The following LMCD1 variants were observed in gnomAD, a reference collection of about 807,000 sequenced individuals.
LMCD1 encodes the protein LIM and cysteine-rich domains protein 1.
LMCD1 carries 32 observed loss-of-function variants against 42.7 expected under a neutral mutation model. The ratio of observed to expected loss-of-function variants is 0.75; its 90% confidence interval spans 0.57 to 1.01. The LOEUF (loss-of-function observed/expected upper bound fraction) is 1.01, where lower values mean the gene tolerates loss of function less well. LMCD1 is among the 50% of genes least tolerant of loss of function. The pLI, the probability that LMCD1 is intolerant of heterozygous loss-of-function variation, is 0.00. For synonymous variants in LMCD1, 178 were observed against 184.9 expected (o/e 0.96, Z 0.30); for missense variants, 458 against 483.1 (o/e 0.95, Z 0.49).
chr3:8,514,679 A>G (rs1007260135), intron 1 of LMCD1, among the ~76,000 whole-genome samples: 5 of 152,176 alleles, frequency 3.3e-5, no homozygotes, highest in African/African-American at 1.2e-4. Flanking sequence ...ATTACTTAGT[A>G]ACAAAAAATC....
chr3:8,523,413 G>A (rs1694240367), intron 1 of LMCD1, among the ~76,000 whole-genome samples: 1 of 152,208 alleles, frequency 6.6e-6, no homozygotes, highest in African/African-American at 2.4e-5. Flanking sequence ...TCTGTCATAT[G>A]ACCCCAATGT....
chr3:8,508,218 G>A (rs1295265357), intron 1 of LMCD1, among the ~76,000 whole-genome samples: 3 of 152,262 alleles, frequency 2.0e-5, no homozygotes, highest in Admixed American at 2.0e-4. Flanking sequence ...AGGAAACTCT[G>A]CCCTGGGGAT....
At chr3:8,567,278 C>A (rs1216729405) in intron 5 of LMCD1, among the ~76,000 whole-genome samples, 162 bp from the exon 6 acceptor site, 2 of 152,074 alleles carry the variant, frequency 1.3e-5, no homozygotes, top group Non-Finnish European at 2.9e-5. Context: ...CAAATATTAT[C>A]CTTACTGCCT....
chr3:8,504,770 G>A (rs907861557), intron 1 of LMCD1, among the ~76,000 whole-genome samples: 13 of 152,190 alleles, frequency 8.5e-5, no homozygotes, highest in African/African-American at 3.1e-4. Flanking sequence ...AGTTCCCTGA[G>A]AATGGTGAAA....
chr3:8,549,886 C>G (rs1694809597), intron 4 of LMCD1: 1 of 751,680 alleles, frequency 1.3e-6, no homozygotes, highest in Non-Finnish European at 2.3e-6. Context: ...GCCAGTCCCA[C>G]TCGTGTGATA....
In LMCD1 at chr3:8,537,377, G is replaced by C; in HGVS notation, c.324G>C (p.Gly108=). 1 of 1,611,652 alleles carries C rather than the reference G, an allele frequency of 6.2e-7. No individual in the cohort carries two copies. Among genetic ancestry groups the C allele is most frequent in the Middle Eastern group, 1.7e-4 (1 of 6,054 alleles). Reference sequence around the variant, plus strand: ...TCATGACCAACCCTATTGCTACTGGGAAAGATCCCACTTTTGACACCATCA... The same window carrying C: ...TCATGACCAACCCTATTGCTACTGGCAAAGATCCCACTTTTGACACCATCA... ...RMIMTNPIAT[G]KDPTFDTITY... The change falls in exon 3 of 6, where the codon GGG becomes GGC. Residue 108 remains glycine (G), a synonymous_variant. Transcript: ENST00000157600.
chr3:8,511,686 G>T (rs1694004221), intron 1 of LMCD1, among the ~76,000 whole-genome samples: 1 of 152,152 alleles, frequency 6.6e-6, no homozygotes, highest in Admixed American at 6.5e-5. Flanking sequence ...TTCCAACTTG[G>T]GGAATATCAC....
At chr3:8,539,860 C>T (rs2125026560) in intron 3 of LMCD1, among the ~76,000 whole-genome samples, 1 of 142,704 alleles carries the variant, frequency 7.0e-6, no homozygotes, top group Admixed American at 6.9e-5. Flanking sequence ...TTCTAGGGTA[C>T]ATGTGCACAA....
At chr3:8,533,288 A>G (rs1375261698) in intron 2 of LMCD1, among the ~76,000 whole-genome samples, 1 of 152,158 alleles carries the variant, frequency 6.6e-6, no homozygotes, top group Non-Finnish European at 1.5e-5. Flanking sequence ...AGGACCTGGT[A>G]TTCATATCTG....
At chr3:8,564,512 T>A (rs1377826593) in intron 4 of LMCD1, among the ~76,000 whole-genome samples, 3 of 152,054 alleles carry the variant, frequency 2.0e-5, no homozygotes, top group Non-Finnish European at 2.9e-5. Flanking sequence ...CCTCAAATGA[T>A]CCTCCTACCT....
At chr3:8,519,668 G>A (rs191714014) in intron 1 of LMCD1, among the ~76,000 whole-genome samples, 2 of 151,436 alleles carry the variant, frequency 1.3e-5, no homozygotes, top group Non-Finnish European at 2.9e-5. Flanking sequence ...TTATGCAGGG[G>A]GAAAATCAAG....
intron 3 of LMCD1, among the ~76,000 whole-genome samples, chr3:8,538,802 C>G (rs961325081): frequency 6.6e-6 from 1 of 151,430 alleles, no homozygotes; most frequent in African/African-American, 2.4e-5. Flanking sequence ...GACACCCTGC[C>G]TGTCCTGTAA....
chr3:8,541,213 C>T (rs1458654608), intron 3 of LMCD1, among the ~76,000 whole-genome samples: 1 of 152,124 alleles, frequency 6.6e-6, no homozygotes, highest in Non-Finnish European at 1.5e-5. Context: ...CCTCTCCACC[C>T]AAGATGTCCC....
intron 1 of LMCD1, among the ~76,000 whole-genome samples, chr3:8,504,320 C>A (rs1693831030): frequency 6.6e-6 from 1 of 152,196 alleles, no homozygotes; most frequent in South Asian, 2.1e-4. Flanking sequence ...TTTAAATCTG[C>A]AACAGTATGT....
chr3:8,549,201 G>A (rs1431848770), intron 4 of LMCD1, among the ~76,000 whole-genome samples: 1 of 152,178 alleles, frequency 6.6e-6, no homozygotes, highest in Admixed American at 6.5e-5. Flanking sequence ...AGAAGTTGGT[G>A]AGGTACAAGC....
At chr3:8,566,163 ATATAC>A (rs996627647) in intron 5 of LMCD1, among the ~76,000 whole-genome samples, 1 of 152,174 alleles carries the variant, frequency 6.6e-6, no homozygotes, top group African/African-American at 2.4e-5. Context: ...TCTTACGATA[ATATAC>A]TATAATATGA....
rs113941493 is a variant in LMCD1, at chr3:8,502,604, A to G, written c.42+624A>G. ...CACACACACACACACACACACACAC[A>G]CACGCACGCAGTTTCTTTAGTTGGT... On this transcript the variant is annotated intron_variant, in intron 1 of 5. Transcript: ENST00000157600. Among the ~76,000 whole-genome samples the G allele has an allele frequency of 6.3e-4, 80 of 127,814 alleles. 1 individual carries two copies. The highest frequency in any genetic ancestry group is 2.5e-3 in the East Asian group (12 of 4,726). The allele number at this position is 127,814 out of a possible 152,430, so 83.9% of individuals were successfully genotyped here. A position where few individuals can be genotyped will look rare whatever the true frequency, so the allele number is the denominator to read the frequency against.
rs1695175796 is a variant in LMCD1, at chr3:8,569,171, A to G, written c.*1573A>G. 1 of 152,178 alleles carries G rather than the reference A, an allele frequency of 6.6e-6. No individual in the cohort carries two copies. Among genetic ancestry groups the G allele is most frequent in the African/African-American group, 2.4e-5 (1 of 41,430 alleles). 9.4% of individuals were successfully genotyped at this position (152,178 alleles called of 1,614,324 possible). Reference sequence around the variant, plus strand: ...TTTGAATCCTTCCAAAACTTGGCTTATGTCTTTCTGGCCTTGGAGCCCTTT... The same window carrying G: ...TTTGAATCCTTCCAAAACTTGGCTTGTGTCTTTCTGGCCTTGGAGCCCTTT... On this transcript the variant is annotated 3_prime_UTR_variant, in exon 6 of 6. Transcript: ENST00000157600.
intron 4 of LMCD1, among the ~76,000 whole-genome samples, chr3:8,562,972 C>G (rs1421753342): frequency 6.6e-6 from 1 of 152,192 alleles, no homozygotes; most frequent in Non-Finnish European, 1.5e-5. Context: ...GAGCCCAGCT[C>G]TCTGCTGCAC....
Sources: gnomAD v4.1 joint callset for allele counts (sites outside exome capture counted in the v4.1 genomes callset) on GRCh38, gnomAD v4.1.1 for gene constraint, MANE v1.5 for transcripts, NCBI Gene and HGNC (gene_info 2026-07-23, HGNC 2026-07-21) for gene names.